The following PDGFC variants were observed in gnomAD, a reference collection of about 807,000 sequenced individuals.
PDGFC encodes the protein platelet-derived growth factor C.
A neutral mutation model predicts 35.5 loss-of-function variants in PDGFC; 12 were observed. The observed-to-expected ratio is 0.34, with a 90% CI of 0.22 to 0.55. The LOEUF is 0.55. PDGFC is among the 20% of genes least tolerant of loss of function. PDGFC has a pLI of 0.91. For missense variants in PDGFC, 322 were observed against 412.4 expected, an observed-to-expected ratio of 0.78 and a Z score of 1.90; for synonymous variants, 159 against 148.8, an observed-to-expected ratio of 1.07 and a Z score of -0.50.
At chr4:156,869,310 C>T (rs1729921375) in intron 1 of PDGFC, among the ~76,000 whole-genome samples, 1 of 151,878 alleles carries the variant, frequency 6.6e-6, no homozygotes, top group African/African-American at 2.4e-5. Flanking sequence ...GTGGCGGGTG[C>T]CTGTAGTCCC....
At chr4:156,921,247 G>A (rs965569477) in intron 1 of PDGFC, among the ~76,000 whole-genome samples, 8 of 152,100 alleles carry the variant, frequency 5.3e-5, no homozygotes, top group Non-Finnish European at 1.5e-5. Context: ...GTGAAATAAC[G>A]CTACAAAATT....
chr4:156,955,495 A>C (rs1026254730), intron 1 of PDGFC, among the ~76,000 whole-genome samples: 1 of 152,006 alleles, frequency 6.6e-6, no homozygotes, highest in Non-Finnish European at 1.5e-5. Flanking sequence ...ATTCCATTTT[A>C]TTTGGTAAAC....
intron 1 of PDGFC, among the ~76,000 whole-genome samples, chr4:156,895,964 A>G (rs1051533020): frequency 1.3e-5 from 2 of 152,174 alleles, no homozygotes; most frequent in Non-Finnish European, 2.9e-5. Flanking sequence ...GACTGAATCA[A>G]AAGAAGGTAA....
intron 2 of PDGFC, among the ~76,000 whole-genome samples, chr4:156,825,515 A>G (rs1732420967): frequency 6.7e-6 from 1 of 148,254 alleles, no homozygotes; most frequent in Non-Finnish European, 1.5e-5. Context: ...TCACCACCAC[A>G]CTATAGACTT....
chr4:156,867,520 A>T (rs1435845702), intron 1 of PDGFC, among the ~76,000 whole-genome samples: 1 of 152,190 alleles, frequency 6.6e-6, no homozygotes, highest in Admixed American at 6.5e-5. Flanking sequence ...GCACAGAGCT[A>T]TGTTAACATC....
At chr4:156,882,598 T>C (rs781501812) in intron 1 of PDGFC, among the ~76,000 whole-genome samples, 2 of 152,230 alleles carry the variant, frequency 1.3e-5, no homozygotes, top group Non-Finnish European at 1.5e-5. Context: ...AAAGTAATTA[T>C]AGACAACTGC....
chr4:156,867,442 C>T (rs1247343082), intron 1 of PDGFC, among the ~76,000 whole-genome samples: 3 of 152,170 alleles, frequency 2.0e-5, no homozygotes, highest in African/African-American at 7.2e-5. Context: ...CATTCACAAT[C>T]TTTAAGATTT....
intron 2 of PDGFC, among the ~76,000 whole-genome samples, chr4:156,825,908 A>G (rs547131541): frequency 6.6e-6 from 1 of 150,450 alleles, no homozygotes; most frequent in South Asian, 2.1e-4. Flanking sequence ...TCACTCTGTC[A>G]TCTAGATTAG....
At chr4:156,952,509 C>A (rs1732108351) in intron 1 of PDGFC, among the ~76,000 whole-genome samples, 1 of 151,720 alleles carries the variant, frequency 6.6e-6, no homozygotes, top group East Asian at 1.9e-4. Flanking sequence ...AAGATATGAA[C>A]TATGCTTTAA....
intron 2 of PDGFC, among the ~76,000 whole-genome samples, chr4:156,824,349 CAT>C (rs376453314): frequency 1.0e-4 from 14 of 134,538 alleles, no homozygotes; most frequent in Admixed American, 2.2e-4. Context: ...CACACACACA[CAT>C]ATACACACAT....
intron 1 of PDGFC, among the ~76,000 whole-genome samples, chr4:156,897,848 T>C (rs1003485334): frequency 7.2e-5 from 11 of 152,158 alleles, no homozygotes; most frequent in African/African-American, 2.7e-4. Context: ...AGAACATAAG[T>C]AACTAATGAT....
intron 3 of PDGFC, 62 bp downstream of exon 3, chr4:156,810,775 A>G (rs1005298744): frequency 9.4e-7 from 1 of 1,063,960 alleles, no homozygotes; most frequent in African/African-American, 1.7e-5. Context: ...GTAAGAGGAG[A>G]AAAATAAAAA....
chr4:156,880,062 T>C (rs1730205692), intron 1 of PDGFC, among the ~76,000 whole-genome samples: 1 of 152,060 alleles, frequency 6.6e-6, no homozygotes, highest in South Asian at 2.1e-4. Context: ...AAGGACAAAG[T>C]GAAGCTGTGG....
chr4:156,969,507 G>C (rs1732539872), intron 1 of PDGFC, among the ~76,000 whole-genome samples: 1 of 152,204 alleles, frequency 6.6e-6, no homozygotes, highest in African/African-American at 2.4e-5. Flanking sequence ...GCAAAAGTCG[G>C]CAGAATCCTT....
intron 2 of PDGFC, among the ~76,000 whole-genome samples, chr4:156,829,931 T>A (rs1728887223): frequency 1.3e-5 from 2 of 152,146 alleles, no homozygotes. Flanking sequence ...TACAAGAGTC[T>A]CAAACCACTT....
chr4:156,811,119 G>A, intron 2 of PDGFC, 102 bp from the exon 3 acceptor site: 1 of 614,342 alleles, frequency 1.6e-6, no homozygotes, highest in Non-Finnish European at 2.6e-6. Flanking sequence ...GACCACAGCA[G>A]TGAGTTAATC....
At chr4:156,789,684 G>A (rs550971690) in intron 3 of PDGFC, among the ~76,000 whole-genome samples, 8 of 152,134 alleles carry the variant, frequency 5.3e-5, no homozygotes, top group Non-Finnish European at 7.4e-5. Flanking sequence ...CTAAAAATTA[G>A]AAAGAATACT....
At chr4:156,863,366 C>G (rs1335603716) in intron 1 of PDGFC, among the ~76,000 whole-genome samples, 1 of 152,104 alleles carries the variant, frequency 6.6e-6, no homozygotes, top group Non-Finnish European at 1.5e-5. Flanking sequence ...AATTTTCAAC[C>G]TGGATGTTTG....
At chr4:156,870,624 A>T (rs1485057000) in intron 1 of PDGFC, among the ~76,000 whole-genome samples, 2 of 152,140 alleles carry the variant, frequency 1.3e-5, no homozygotes, top group African/African-American at 2.4e-5. Flanking sequence ...CACTTCCACA[A>T]GGCTTATTAA....
Sources: allele counts gnomAD v4.1 joint callset (sites outside exome capture counted in the v4.1 genomes callset), GRCh38; gene constraint gnomAD v4.1.1; transcripts MANE v1.5; gene names NCBI Gene and HGNC (gene_info 2026-07-23, HGNC 2026-07-21).